Variants in WIPF2 observed in about 807,000 individuals in gnomAD.
WIPF2 encodes the protein WAS/WASL-interacting protein family member 2.
In WIPF2, 23 loss-of-function variants were observed where a neutral mutation model predicts 38.8. That is an observed-to-expected ratio of 0.59 (90% confidence interval 0.43 to 0.84). The LOEUF (loss-of-function observed/expected upper bound fraction) is 0.84, where lower values mean the gene tolerates loss of function less well. Among genes scored for constraint, WIPF2 ranks in the 40% least tolerant of loss-of-function variants. The pLI is 0.00. For missense variants in WIPF2, 574 were observed against 580.5 expected (o/e 0.99, Z 0.11); for synonymous variants, 210 against 223.2 (o/e 0.94, Z 0.53).
At chr17:40,250,860 A>G (rs2031536509) in intron 1 of WIPF2, among the ~76,000 whole-genome samples, 1 of 146,596 alleles carries the variant, frequency 6.8e-6, no homozygotes, top group African/African-American at 2.5e-5. Flanking sequence ...GGAGCCCAGG[A>G]GTTTGAGGTT....
rs879820161 is a variant in WIPF2, at chr17:40,281,387, C to T, written c.*3162C>T. 1 of 152,228 alleles carries T rather than the reference C, an allele frequency of 6.6e-6. No homozygotes were observed. Among genetic ancestry groups the T allele is most frequent in the Non-Finnish European group, 1.5e-5 (1 of 68,056 alleles). 9.4% of individuals were successfully genotyped at this position (152,228 alleles called of 1,614,324 possible). On this transcript the variant is annotated 3_prime_UTR_variant, in exon 8 of 8. Coordinates refer to ENST00000323571, the MANE Select transcript of WIPF2 (RefSeq NM_133264.5). ...TGCCCCTCTTCCTCTTCTCTGGTCA[C>T]TGAACCTGGACCAAAGCACTTTGAT...
chr17:40,276,729 A>G (rs2032413137), intron 6 of WIPF2, among the ~76,000 whole-genome samples: 1 of 151,948 alleles, frequency 6.6e-6, no homozygotes, highest in African/African-American at 2.4e-5. Context: ...CCTGGCCAAG[A>G]TGGTGAAACC....
At chr17:40,226,322 G>A (rs2030485898) in intron 1 of WIPF2, among the ~76,000 whole-genome samples, 1 of 151,328 alleles carries the variant, frequency 6.6e-6, no homozygotes, top group Non-Finnish European at 1.5e-5. Context: ...TCCTGCCTCA[G>A]CCTCCCGAGT....
At position 40,264,859 on chromosome 17, in the gene WIPF2, C is replaced by T. The variant is rs143265990; in HGVS notation, c.683C>T (p.Pro228Leu). The T allele has an allele frequency of 6.2e-7, 1 of 1,614,190 alleles. No individual in the cohort carries two copies. The highest frequency in any genetic ancestry group is 8.5e-7 in the Non-Finnish European group (1 of 1,180,038). ...HPGREGPPAPPPVKPPPSPVN... is the reference protein window; with the variant it reads ...HPGREGPPAPLPVKPPPSPVN... ...GGTCGAGAGGGACCTCCTGCTCCACCCCCAGTCAAACCACCTCCTTCCCCT... is the reference window on the plus strand; with the variant it reads ...GGTCGAGAGGGACCTCCTGCTCCACTCCCAGTCAAACCACCTCCTTCCCCT... Residue 228 changes from proline to leucine, a missense_variant, in exon 5 of 8, where the codon CCC (proline) becomes CTC (leucine). By Grantham distance (98) the Pro-to-Leu change is moderately conservative. Coordinates refer to ENST00000323571, the MANE Select transcript of WIPF2 (RefSeq NM_133264.5).
chr17:40,268,288 C>T (rs1567723611), intron 5 of WIPF2, among the ~76,000 whole-genome samples: 1 of 152,222 alleles, frequency 6.6e-6, no homozygotes, highest in Non-Finnish European at 1.5e-5. Flanking sequence ...CAGTGGCCTA[C>T]TGCATTCCTG....
rs902056912 is a variant in WIPF2, at chr17:40,271,002, C to T, written c.971-2788C>T. 6.4e-4 allele frequency among the ~76,000 whole-genome samples: 98 copies of T among 152,126 alleles called. 1 individual carries two copies. The highest frequency in any genetic ancestry group is 2.4e-4 in the Non-Finnish European group (16 of 68,028). ...AAGATACTCTTTTCTTTGAGACAGT[C>T]TTGCTGTGTCACCAGGCTGGAGTGC... On this transcript the variant is annotated intron_variant, in intron 5 of 7. Transcript: ENST00000323571.
chr17:40,220,359 T>C (rs1406900171), intron 1 of WIPF2: 1 of 151,684 alleles, frequency 6.6e-6, no homozygotes, highest in Non-Finnish European at 1.5e-5. Flanking sequence ...AAAAATAGCA[T>C]TGAGGCAAGG....
At chr17:40,253,461 G>A (rs2031623706) in intron 1 of WIPF2, among the ~76,000 whole-genome samples, 1 of 152,138 alleles carries the variant, frequency 6.6e-6, no homozygotes, top group African/African-American at 2.4e-5. Flanking sequence ...AGAAAAGAAA[G>A]GTTTTGTTTG....
chr17:40,260,523 C>T lies in WIPF2; in HGVS notation c.64-12C>T. The stretch of plus-strand genomic sequence containing the variant: ...CTCTTTAGGGTGAACTTATATTTCT[C>T]TTATCCTCCAGGCAAACACAGAGCA... On this transcript the variant is annotated splice_polypyrimidine_tract_variant and intron_variant, in intron 2 of 7. Coordinates refer to ENST00000323571, the MANE Select transcript of WIPF2 (RefSeq NM_133264.5). 1 of 1,613,480 alleles carries T rather than the reference C, an allele frequency of 6.2e-7. No homozygotes were observed. Among genetic ancestry groups the T allele is most frequent in the Non-Finnish European group, 8.5e-7 (1 of 1,179,724 alleles).
chr17:40,273,539 G>A, intron 5 of WIPF2: 2 of 470,830 alleles, frequency 4.2e-6, no homozygotes, highest in Non-Finnish European at 7.5e-6. Flanking sequence ...GGAAGGCATG[G>A]AAAAGCAGGA....
At chr17:40,274,557 GAAAAAAAAAAAAA>G (rs571085371) in intron 6 of WIPF2, among the ~76,000 whole-genome samples, 18 of 24,778 alleles carry the variant, frequency 7.3e-4, no homozygotes, top group South Asian at 1.1e-3. Context: ...TGGAATTCTT[GAAAAAAAAAAAAA>G]AAAAAAAAAA....
In WIPF2 at chr17:40,278,351, G is replaced by T; in HGVS notation, c.*126G>T. 1 of 1,109,358 alleles carries T rather than the reference G, an allele frequency of 9.0e-7. No homozygotes were observed. The highest frequency in any genetic ancestry group is 1.4e-5 in the South Asian group (1 of 70,560). The allele number at this position is 1,109,358 out of a possible 1,614,324, so 68.7% of individuals were successfully genotyped here. ...GTTTCTCCAATGCAATCAAGCCCTA[G>T]ACTCCAAATGTCCTCCCAGCTCACC... is the stretch of plus-strand genomic sequence containing the variant. On this transcript the variant is annotated 3_prime_UTR_variant, in exon 8 of 8. Transcript: ENST00000323571.
intron 1 of WIPF2, among the ~76,000 whole-genome samples, chr17:40,244,707 T>G (rs2145329233): frequency 6.6e-6 from 1 of 152,192 alleles, no homozygotes; most frequent in East Asian, 1.9e-4. Context: ...AGCCTCAGAT[T>G]TCATCTCTTC....
intron 6 of WIPF2, 140 bp from the exon 7 acceptor site, chr17:40,276,943 G>A (rs1421167164): frequency 3.0e-6 from 2 of 675,370 alleles, no homozygotes; most frequent in Non-Finnish European, 5.2e-6. Context: ...TTCTCAGGGT[G>A]GTTGGTTTGG....
At chr17:40,233,004 A>G (rs1390698731) in intron 1 of WIPF2, among the ~76,000 whole-genome samples, 1 of 152,084 alleles carries the variant, frequency 6.6e-6, no homozygotes, top group Non-Finnish European at 1.5e-5. Flanking sequence ...GTAGATTGGA[A>G]GTTGCTCTCA....
chr17:40,220,634 TTTTTG>T (rs2030187733), intron 1 of WIPF2: 2 of 135,672 alleles, frequency 1.5e-5, no homozygotes, highest in African/African-American at 5.7e-5. Context: ...TATATATATT[TTTTTG>T]TTGTTGTTGT....
In WIPF2 at chr17:40,282,913, G is replaced by T. The variant is rs1269854847; in HGVS notation, c.*4688G>T. 2 of 152,000 alleles carry T rather than the reference G, an allele frequency of 1.3e-5. No individual in the cohort carries two copies. The highest frequency in any genetic ancestry group is 2.9e-5 in the Non-Finnish European group (2 of 68,060). The allele number at this position is 152,000 out of a possible 1,614,324, so 9.4% of individuals were successfully genotyped here. A position where few individuals can be genotyped will look rare whatever the true frequency, so the allele number is the denominator to read the frequency against. ...AAATTACAGTTCTAGTTGGCTGGGC[G>T]CGATGGCTCATGTCTGTAATCCCAG... On this transcript the variant is annotated 3_prime_UTR_variant, in exon 8 of 8. Transcript: ENST00000323571.
In WIPF2 at chr17:40,281,340, C is replaced by G. The variant is rs2032541775; in HGVS notation, c.*3115C>G. 6.6e-6 allele frequency: 1 copy of G among 152,186 alleles called. No homozygotes were observed. The highest frequency in any genetic ancestry group is 1.5e-5 in the Non-Finnish European group (1 of 68,048). The allele number at this position is 152,186 out of a possible 1,614,324, so 9.4% of individuals were successfully genotyped here. On this transcript the variant is annotated 3_prime_UTR_variant, in exon 8 of 8. Transcript: ENST00000323571. ...CCTGTCTGGGAAGCAGGGCAAACCT[C>G]CAGGTTTTTAAATGAGCTAGATGCC...
At chr17:40,241,112 A>G (rs1404778748) in intron 1 of WIPF2, among the ~76,000 whole-genome samples, 1 of 152,136 alleles carries the variant, frequency 6.6e-6, no homozygotes, top group African/African-American at 2.4e-5. Flanking sequence ...GTTGATTACT[A>G]ATACTCCTTT....
Sources: allele counts gnomAD v4.1 joint callset (sites outside exome capture counted in the v4.1 genomes callset), GRCh38; gene constraint gnomAD v4.1.1; transcripts MANE v1.5; gene names NCBI Gene and HGNC (gene_info 2026-07-23, HGNC 2026-07-21).